ZSWIM5: variants seen among roughly 807,000 people sequenced by gnomAD.
ZSWIM5 encodes the protein zinc finger SWIM-type containing 5, also known as zinc finger SWIM domain-containing protein 5.
ZSWIM5 carries 55 observed loss-of-function variants against 119.6 expected under a neutral mutation model. The ratio of observed to expected loss-of-function variants is 0.46; its 90% CI spans 0.37 to 0.58. The LOEUF is 0.58. Ranked by LOEUF, ZSWIM5 falls within the 20% of genes least tolerant of loss-of-function variation. The pLI, the probability that ZSWIM5 is intolerant of heterozygous loss-of-function variation, is 0.00. For missense variants in ZSWIM5, 1,193 were observed against 1,512.8 expected (o/e 0.79, Z 3.51); for synonymous variants, 537 against 606.9 (o/e 0.88, Z 1.69).
In ZSWIM5 at chr1:45,092,590, C is replaced by T. The variant is rs191071336; in HGVS notation, c.596-4353G>A. Among the ~76,000 whole-genome samples, 442 of 144,946 alleles carry T rather than the reference C, an allele frequency of 3.0e-3. 2 individuals carry two copies. Among genetic ancestry groups the T allele is most frequent in the Admixed American group, 4.2e-3 (60 of 14,144 alleles). ...AGTGCTAGGATTACAGGCGTGAGCC[C>T]CCGCACCTGGCCCGATGGTTAGTTT... On this transcript the variant is annotated intron_variant, in intron 1 of 13. Coordinates refer to ENST00000359600, the MANE Select transcript of ZSWIM5 (RefSeq NM_020883.2).
chr1:45,037,341 C>CCT (rs1239993596), intron 8 of ZSWIM5, among the ~76,000 whole-genome samples: 1 of 151,814 alleles, frequency 6.6e-6, no homozygotes, highest in African/African-American at 2.4e-5. Flanking sequence ...CAACTCCTGA[C>CCT]CTCAGGTGAT....
intron 5 of ZSWIM5, among the ~76,000 whole-genome samples, chr1:45,048,087 T>C (rs1055487025): frequency 2.0e-5 from 3 of 146,682 alleles, no homozygotes; most frequent in Admixed American, 6.8e-5. Flanking sequence ...TTTCTCTTTT[T>C]TTTTTTTTTT....
intron 1 of ZSWIM5, among the ~76,000 whole-genome samples, chr1:45,160,622 GGCC>G (rs1645857527): frequency 6.6e-6 from 1 of 151,616 alleles, no homozygotes; most frequent in Admixed American, 6.6e-5. Flanking sequence ...TCATTCTTAT[GGCC>G]GAATAGTATT....
intron 11 of ZSWIM5, among the ~76,000 whole-genome samples, chr1:45,025,914 A>T (rs553570907): frequency 6.6e-6 from 1 of 152,204 alleles, no homozygotes; most frequent in South Asian, 2.1e-4. Context: ...TTCCTATCTT[A>T]TTGTATTAGT....
intron 4 of ZSWIM5, among the ~76,000 whole-genome samples, chr1:45,053,578 A>G (rs565938797): frequency 6.6e-6 from 1 of 152,074 alleles, no homozygotes; most frequent in South Asian, 2.1e-4. Flanking sequence ...CCTGGCCAAC[A>G]TGGTGAAACC....
chr1:45,156,236 C>G (rs1645826043), intron 1 of ZSWIM5, among the ~76,000 whole-genome samples: 1 of 151,836 alleles, frequency 6.6e-6, no homozygotes, highest in South Asian at 2.1e-4. Context: ...GAACTAAACA[C>G]TGGATACACA....
intron 1 of ZSWIM5, among the ~76,000 whole-genome samples, chr1:45,141,582 C>G (rs1160685652): frequency 6.6e-6 from 1 of 152,152 alleles, no homozygotes; most frequent in Non-Finnish European, 1.5e-5. Flanking sequence ...CCTACTAAAA[C>G]AACAACTATC....
At chr1:45,021,541 G>C (rs559285706) in intron 11 of ZSWIM5, among the ~76,000 whole-genome samples, 1 of 152,154 alleles carries the variant, frequency 6.6e-6, no homozygotes, top group Non-Finnish European at 1.5e-5. Context: ...CTGGATGAAG[G>C]CAGTAGTGTA....
chr1:45,168,513 A>T (rs1645924747), intron 1 of ZSWIM5, among the ~76,000 whole-genome samples: 1 of 151,000 alleles, frequency 6.6e-6, no homozygotes, highest in Admixed American at 6.6e-5. Flanking sequence ...AAAAATACAA[A>T]AATTAACTGG....
chr1:45,129,716 C>T (rs141382242), intron 1 of ZSWIM5, among the ~76,000 whole-genome samples: 5 of 151,972 alleles, frequency 3.3e-5, no homozygotes, highest in African/African-American at 7.3e-5. Flanking sequence ...TAAATGTCCA[C>T]GGCAAAAAAT....
chr1:45,120,552 C>T (rs931815724), intron 1 of ZSWIM5, among the ~76,000 whole-genome samples: 1 of 151,982 alleles, frequency 6.6e-6, no homozygotes, highest in Non-Finnish European at 1.5e-5. Flanking sequence ...CAGCCTTGAC[C>T]TCCTGGGCTC....
In ZSWIM5 at chr1:45,019,761, G is replaced by A. The variant is rs990626751; in HGVS notation, c.2695+305C>T. ...GCACAGGGATGGGGACCAAACCACTGGGCCCACTACCTCCCAAGGGAGCAC... is the reference window on the plus strand; with the variant it reads ...GCACAGGGATGGGGACCAAACCACTAGGCCCACTACCTCCCAAGGGAGCAC... On this transcript the variant is annotated intron_variant, in intron 13 of 13. Transcript: ENST00000359600. The surrounding 1 kb of genome is among the most constrained non-coding windows in gnomAD (Gnocchi z 5.0). Among the ~76,000 whole-genome samples the A allele has an allele frequency of 6.6e-6, 1 of 152,144 alleles. No homozygotes were observed. Among genetic ancestry groups the A allele is most frequent in the South Asian group, 2.1e-4 (1 of 4,832 alleles).
At chr1:45,166,985 C>T (rs949094964) in intron 1 of ZSWIM5, among the ~76,000 whole-genome samples, 25 of 151,994 alleles carry the variant, frequency 1.6e-4, no homozygotes, top group Admixed American at 8.5e-4. Context: ...AAAGTTCAGA[C>T]GGAACCAAAA....
At chr1:45,166,841 A>G (rs1645907084) in intron 1 of ZSWIM5, among the ~76,000 whole-genome samples, 2 of 152,148 alleles carry the variant, frequency 1.3e-5, no homozygotes, top group South Asian at 4.1e-4. Flanking sequence ...CAAATGGAAG[A>G]ACATTCCATG....
intron 5 of ZSWIM5, among the ~76,000 whole-genome samples, chr1:45,046,634 A>ATGTGTGTGTGTGTGTGTG (rs60762459): frequency 0.011 from 1,659 of 147,490 alleles, 13 homozygotes; most frequent in Non-Finnish European, 0.017. Flanking sequence ...TGGGCAAGAT[A>ATGTGTGTGTGTGTGTGTG]TGTGTGTGTG....
chr1:45,097,733 A>G (rs138626263), intron 1 of ZSWIM5, among the ~76,000 whole-genome samples: 3,128 of 152,122 alleles, frequency 0.021, 115 homozygotes, highest in African/African-American at 0.072. Flanking sequence ...ACAAGGTCTC[A>G]CTCTGTCACC....
intron 1 of ZSWIM5, among the ~76,000 whole-genome samples, chr1:45,144,727 C>G (rs2149035548): frequency 6.6e-6 from 1 of 152,254 alleles, no homozygotes; most frequent in South Asian, 2.1e-4. Context: ...GAATAAAACA[C>G]AGCAGGATAT....
intron 1 of ZSWIM5, among the ~76,000 whole-genome samples, chr1:45,126,706 CT>C (rs2149029205): frequency 6.6e-6 from 1 of 152,014 alleles, no homozygotes; most frequent in East Asian, 1.9e-4. Flanking sequence ...AGTTCAACAC[CT>C]ACCTGGACAA....
chr1:45,091,888 G>C (rs532472377), intron 1 of ZSWIM5, among the ~76,000 whole-genome samples: 1 of 151,962 alleles, frequency 6.6e-6, no homozygotes, highest in African/African-American at 2.4e-5. Flanking sequence ...AGGATGTAAG[G>C]CTCATGAGGT....
Sources: allele counts gnomAD v4.1 joint callset (sites outside exome capture counted in the v4.1 genomes callset), GRCh38; gene constraint gnomAD v4.1.1; non-coding constraint Gnocchi (gnomAD v3.1); transcripts MANE v1.5; gene names NCBI Gene and HGNC (gene_info 2026-07-23, HGNC 2026-07-21).